Variants in CAST observed in about 807,000 individuals in gnomAD.
The protein encoded by CAST is calpastatin, also known as MIR583 host.
CAST carries 76 observed loss-of-function variants against 119.6 expected under a neutral mutation model. The ratio of observed to expected loss-of-function variants is 0.64; its 90% CI spans 0.53 to 0.77. CAST has a LOEUF of 0.77. Ranked by LOEUF, CAST falls within the 30% of genes least tolerant of loss-of-function variation. CAST has a pLI of 0.00. For missense variants in CAST, 953 were observed against 946.5 expected (o/e 1.01, Z -0.09); for synonymous variants, 319 against 331.6 (o/e 0.96, Z 0.41).
chr5:96,187,714 A>G, the CAST span, among the ~76,000 whole-genome samples: 1 of 152,246 alleles, frequency 6.6e-6, no homozygotes, highest in East Asian at 1.9e-4. Context: ...TGCCTTGCAC[A>G]AAGTGGGCAC....
the CAST span, among the ~76,000 whole-genome samples, chr5:96,153,294 C>CT: frequency 3.9e-5 from 6 of 152,192 alleles, no homozygotes; most frequent in Non-Finnish European, 8.8e-5. Context: ...CTCTGACTGT[C>CT]TGAAAGACAC....
At chr5:96,718,926 G>A (rs1304275540) in intron 3 of CAST, among the ~76,000 whole-genome samples, 1 of 152,166 alleles carries the variant, frequency 6.6e-6, no homozygotes, top group African/African-American at 2.4e-5. Flanking sequence ...TCCGAGCCAA[G>A]CCAGCTGCGG....
At chr5:96,766,699 C>T (rs1005149398) in intron 27 of CAST, among the ~76,000 whole-genome samples, 4 of 152,186 alleles carry the variant, frequency 2.6e-5, no homozygotes, top group Non-Finnish European at 4.4e-5. Context: ...GCCAGTCTTT[C>T]GTAGGTCAAC....
At chr5:96,618,057 G>C (rs891662382) in intron 1 of CAST, among the ~76,000 whole-genome samples, 1 of 152,160 alleles carries the variant, frequency 6.6e-6, no homozygotes, top group African/African-American at 2.4e-5. Context: ...AGGGGGGCCA[G>C]TGGCAGGAGC....
intron 1 of CAST, among the ~76,000 whole-genome samples, chr5:96,606,581 G>T (rs1485177760): frequency 6.6e-6 from 1 of 152,204 alleles, no homozygotes; most frequent in Non-Finnish European, 1.5e-5. Context: ...ATAAATATCT[G>T]TTTCCTGGTT....
chr5:96,526,046 C>CTAGT (rs75590530), upstream of CAST, among the ~76,000 whole-genome samples: 23,114 of 152,168 alleles, frequency 0.15, 2,070 homozygotes, highest in Middle Eastern at 0.2. Context: ...GATGCCTGCA[C>CTAGT]TAGTACCTCA....
chr5:96,083,088 T>A, the CAST span, among the ~76,000 whole-genome samples: 8 of 152,314 alleles, frequency 5.3e-5, no homozygotes, highest in South Asian at 1.7e-3. Context: ...TAGCACTTAG[T>A]GGGAGAAGAA....
the CAST span, among the ~76,000 whole-genome samples, chr5:96,204,116 C>T: frequency 6.6e-6 from 1 of 151,986 alleles, no homozygotes; most frequent in Non-Finnish European, 1.5e-5. Flanking sequence ...CCAAATGTCC[C>T]AGTCTCAACA....
chr5:96,440,832 A>G, the CAST span, among the ~76,000 whole-genome samples: 6 of 152,188 alleles, frequency 3.9e-5, no homozygotes, highest in African/African-American at 1.4e-4. Context: ...AATGGCTTTA[A>G]TTTTATTTGC....
chr5:96,561,796 G>GTTTTTTTGTTTTTTTTTTTTTTT (rs1267067922), intron 1 of CAST, among the ~76,000 whole-genome samples: 1 of 97,424 alleles, frequency 1.0e-5, no homozygotes, highest in Non-Finnish European at 1.9e-5. Flanking sequence ...GTTTTTTTTT[G>GTTTTTTTGTTTTTTTTTTTTTTT]TTTTTTTTTT....
the CAST span, among the ~76,000 whole-genome samples, chr5:96,204,455 A>G: frequency 1.3e-5 from 2 of 152,052 alleles, no homozygotes; most frequent in African/African-American, 4.8e-5. Context: ...AAACTTAGCT[A>G]CTTTGTCCAA....
At chr5:96,511,303 C>T in the CAST span, among the ~76,000 whole-genome samples, 3 of 152,102 alleles carry the variant, frequency 2.0e-5, no homozygotes, top group Non-Finnish European at 4.4e-5. Context: ...CGCCACCACG[C>T]CTGGCTAATT....
the CAST span, among the ~76,000 whole-genome samples, chr5:96,157,233 C>T: frequency 6.6e-6 from 1 of 152,138 alleles, no homozygotes; most frequent in African/African-American, 2.4e-5. Flanking sequence ...GTTTGCCCCA[C>T]CTGTGTGATC....
At chr5:96,423,203 TCCCA>T in the CAST span, 1 of 1,056,752 alleles carries the variant, frequency 9.5e-7, no homozygotes, top group Non-Finnish European at 1.4e-6. Flanking sequence ...TGGCCCATAA[TCCCA>T]GGGACTGACA....
chr5:96,281,502 T>C, the CAST span, among the ~76,000 whole-genome samples: 2 of 152,178 alleles, frequency 1.3e-5, no homozygotes, highest in Non-Finnish European at 2.9e-5. Flanking sequence ...TTAAACAAGA[T>C]AGTTTATTTC....
the CAST span, among the ~76,000 whole-genome samples, chr5:96,153,520 T>G: frequency 6.6e-6 from 1 of 152,106 alleles, no homozygotes; most frequent in Admixed American, 6.6e-5. Context: ...GGACCACCAT[T>G]TTTATTCTTG....
chr5:96,060,754 A>G, the CAST span, among the ~76,000 whole-genome samples: 1 of 152,154 alleles, frequency 6.6e-6, no homozygotes, highest in Non-Finnish European at 1.5e-5. Context: ...GGAAAAAGAT[A>G]CCATGTGGAG....
At chr5:96,738,633 T>TA (rs1762108344) in intron 11 of CAST, among the ~76,000 whole-genome samples, 2 of 151,718 alleles carry the variant, frequency 1.3e-5, no homozygotes, top group South Asian at 2.1e-4. Context: ...TTCCTTGGTA[T>TA]TAAAAAAAAG....
chr5:96,519,798 G>A, the CAST span, among the ~76,000 whole-genome samples: 1 of 152,070 alleles, frequency 6.6e-6, no homozygotes, highest in African/African-American at 2.4e-5. Flanking sequence ...GAAGGGATGG[G>A]GTTTCGCCAT....
Sources: allele counts gnomAD v4.1 joint callset (sites outside exome capture counted in the v4.1 genomes callset), GRCh38; gene constraint gnomAD v4.1.1; transcripts MANE v1.5; gene names NCBI Gene and HGNC (gene_info 2026-07-23, HGNC 2026-07-21).